The following NCOR2 variants were observed in gnomAD, a reference collection of about 807,000 sequenced individuals.
NCOR2 encodes CTG repeat protein 26.
A neutral mutation model predicts 262.9 loss-of-function variants in NCOR2; 81 were observed. The observed-to-expected ratio is 0.31, with a 90% CI of 0.26 to 0.37. The LOEUF (loss-of-function observed/expected upper bound fraction) is 0.37, where lower values mean the gene tolerates loss of function less well. Ranked by LOEUF, NCOR2 falls within the 10% of genes least tolerant of loss-of-function variation. The pLI is 1.00. For missense variants in NCOR2, 3,385 were observed against 3,621.4 expected (o/e 0.93, Z 1.68); for synonymous variants, 1,659 against 1,559.3 (o/e 1.06, Z -1.51).
exon 13 of NCOR2, chr12:124,419,979 T>A (rs1455558385): frequency 6.2e-7 from 1 of 1,613,934 alleles, no homozygotes; most frequent in Admixed American, 1.7e-5. Context: ...GCGGCGCCGA[T>A]AGCTCCGTCT....
chr12:124,334,480 C>T (rs752367194), exon 41 of NCOR2: 11 of 1,463,338 alleles, frequency 7.5e-6, no homozygotes, highest in Non-Finnish European at 9.0e-6. Flanking sequence ...GGTCCGGGGG[C>T]GGGAGGTAGA....
At chr12:124,468,325 T>C (rs1465007049) in intron 4 of NCOR2, among the ~76,000 whole-genome samples, 2 of 23,642 alleles carry the variant, frequency 8.5e-5, no homozygotes, top group Non-Finnish European at 2.2e-4. Flanking sequence ...CTCATCACCC[T>C]CATCATCCTC....
chr12:124,433,259 C>T (rs1198756431), intron 8 of NCOR2, among the ~76,000 whole-genome samples: 1 of 152,210 alleles, frequency 6.6e-6, no homozygotes, highest in African/African-American at 2.4e-5. Flanking sequence ...GGGGCAGTGG[C>T]TGCTGACAGC....
intron 5 of NCOR2, 116 bp downstream of exon 7, chr12:124,466,057 G>T: frequency 1.0e-6 from 1 of 996,408 alleles, no homozygotes; most frequent in Non-Finnish European, 1.5e-6. Context: ...GGGGGAGAGG[G>T]TGGCGAGGTC....
At position 124,523,939 on chromosome 12, in the gene NCOR2, G is replaced by A. The variant is rs2050325044; in HGVS notation, c.-118+11626C>T. 6.6e-6 allele frequency among the ~76,000 whole-genome samples: 1 copy of A among 152,186 alleles called. No individual in the cohort carries two copies. The highest frequency in any genetic ancestry group is 1.5e-5 in the Non-Finnish European group (1 of 68,034). On this transcript the variant is annotated intron_variant, in intron 1 of 46. Coordinates refer to the NCOR2 transcript ENST00000404621. The surrounding 1 kb of genome is among the most constrained non-coding windows in gnomAD (Gnocchi z 4.0). ...GACTATACTGTCTCCAAGAATGTCA[G>A]GCCCCACTGGAGACATGGTATTGTT...
chr12:124,491,690 C>T lies in NCOR2; in HGVS notation c.105+3457G>A, dbSNP rs577529074. ...GTCCCAGAGGACTTGAAGAAGAAGG[C>T]AGAATGCAGCTGGGCCACAGAAAGC... On this transcript the variant is annotated intron_variant, in intron 1 of 46. Transcript: ENST00000405201. 4.6e-5 allele frequency among the ~76,000 whole-genome samples: 7 copies of T among 152,290 alleles called. 1 individual carries two copies. Among genetic ancestry groups the T allele is most frequent in the African/African-American group, 1.4e-4 (6 of 41,542 alleles).
At position 124,354,505 on chromosome 12, in the gene NCOR2, TG is replaced by T; in HGVS notation, c.3561del (p.Thr1188GlnfsTer8). ...CTCAGCACGGACGCCTCCTGGGCTG[TG>T]GGCACCCCCAGGCTCTCCGGTGGCC... On this transcript the variant is annotated frameshift_variant, in exon 26 of 47. Transcript: ENST00000405201. LOFTEE classifies it high-confidence loss of function. The T allele has an allele frequency of 6.3e-7, 1 of 1,586,634 alleles. No homozygotes were observed. Among genetic ancestry groups the T allele is most frequent in the Admixed American group, 1.8e-5 (1 of 56,438 alleles).
chr12:124,441,982 G>A (rs75322185), intron 7 of NCOR2, among the ~76,000 whole-genome samples: 6 of 152,208 alleles, frequency 3.9e-5, no homozygotes, highest in East Asian at 3.9e-4. Flanking sequence ...ACGGGCTGGA[G>A]ACTAAAGAGA....
At position 124,433,873 on chromosome 12, in the gene NCOR2, C is replaced by CACACACACACACAA. The variant is rs2044151575; in HGVS notation, c.883-3087_883-3086insTTGTGTGTGTGTGT. Among the ~76,000 whole-genome samples the CACACACACACACAA allele has an allele frequency of 7.3e-5, 7 of 96,342 alleles. No individual in the cohort carries two copies. In the South Asian group the frequency reaches 1.5e-3, roughly 20 times the overall value. The allele number at this position is 96,342 out of a possible 152,430, so 63.2% of individuals were successfully genotyped here. On this transcript the variant is annotated intron_variant, in intron 8 of 46. Transcript: ENST00000405201. The stretch of plus-strand genomic sequence containing the variant: ...ACACACACACACACACACACACACA[C>CACACACACACACAA]ACACACACACACACACACACACACA...
chr12:124,484,128 G>A (rs1369530088), intron 2 of NCOR2, among the ~76,000 whole-genome samples: 1 of 152,228 alleles, frequency 6.6e-6, no homozygotes, highest in Non-Finnish European at 1.5e-5. Flanking sequence ...GGCCTACTGA[G>A]TCAGACTCGG....
At chr12:124,527,968 C>A (rs969170412) in intron 1 of NCOR2, among the ~76,000 whole-genome samples, 1 of 152,214 alleles carries the variant, frequency 6.6e-6, no homozygotes, top group African/African-American at 2.4e-5. Flanking sequence ...CCCATCTGTG[C>A]GGGGCACCAT....
rs1417688455 is a variant in NCOR2, at chr12:124,378,945, G to C, written c.2020-561C>G. ...GCCCTTGGAGGCTGCCCTGCCGCTG[G>C]GGAGACTGGCAACGTGCTCCTCACA... On this transcript the variant is annotated intron_variant, in intron 17 of 46. Transcript: ENST00000405201. The surrounding 1 kb of genome is among the most constrained non-coding windows in gnomAD (Gnocchi z 4.2). 6.6e-6 allele frequency among the ~76,000 whole-genome samples: 1 copy of C among 152,284 alleles called. No homozygotes were observed. Among genetic ancestry groups the C allele is most frequent in the Non-Finnish European group, 1.5e-5 (1 of 68,056 alleles).
At chr12:124,468,558 A>G (rs1207855614) in intron 4 of NCOR2, among the ~76,000 whole-genome samples, 2 of 6,334 alleles carry the variant, frequency 3.2e-4, no homozygotes, top group African/African-American at 1.3e-3. Flanking sequence ...CATCCTCATC[A>G]CCCCCATCAT....
intron 22 of NCOR2, among the ~76,000 whole-genome samples, chr12:124,357,914 CGT>C (rs2038096560): frequency 3.9e-5 from 3 of 76,710 alleles, no homozygotes; most frequent in Admixed American, 2.7e-4. Flanking sequence ...TGTGTGTGTG[CGT>C]GCGCACGTGC....
chr12:124,424,700 C>T (rs1172175792), intron 11 of NCOR2, among the ~76,000 whole-genome samples: 1 of 152,246 alleles, frequency 6.6e-6, no homozygotes, highest in Admixed American at 6.5e-5. Context: ...CTGCCTGGCA[C>T]CTCTTTGGGG....
At chr12:124,381,537 C>T (rs943272929) in intron 17 of NCOR2, among the ~76,000 whole-genome samples, 2 of 152,220 alleles carry the variant, frequency 1.3e-5, no homozygotes, top group South Asian at 2.1e-4. Flanking sequence ...CAGTGTCTAG[C>T]ACAGAACAGA....
At chr12:124,499,989 G>A (rs779731234), upstream of NCOR2, among the ~76,000 whole-genome samples, 16 of 152,240 alleles carry the variant, frequency 1.1e-4, no homozygotes, top group South Asian at 1.2e-3. Context: ...GAAACAGCTC[G>A]CTGCAGGAGT....
rs118172115 is a variant in NCOR2 at position 124,373,259 on chromosome 12, G to A, written c.2219-649C>T. 8.1e-4 allele frequency among the ~76,000 whole-genome samples: 102 copies of A among 125,400 alleles called. 4 individuals are homozygous for A. The East Asian group carries it at 0.017, about 21-fold the overall frequency. The allele number at this position is 125,400 out of a possible 152,430, so 82.3% of individuals were successfully genotyped here. ...AGGCCAGTGCGTGTGCAGGGGACCC[G>A]GGCACAGTGGACAATCATGAGGCCA... On this transcript the variant is annotated intron_variant, in intron 19 of 46. Transcript: ENST00000405201.
chr12:124,446,284 C>A (rs995094607), intron 7 of NCOR2, among the ~76,000 whole-genome samples: 1 of 152,200 alleles, frequency 6.6e-6, no homozygotes, highest in Non-Finnish European at 1.5e-5. Flanking sequence ...TATTCTCACC[C>A]CTACCCCCAG....
Sources: gnomAD v4.1 joint callset for allele counts (sites outside exome capture counted in the v4.1 genomes callset) on GRCh38, gnomAD v4.1.1 for gene constraint, Gnocchi (gnomAD v3.1) non-coding constraint, MANE v1.5 for transcripts, NCBI Gene and HGNC (gene_info 2026-07-23, HGNC 2026-07-21) for gene names.